KIAA1191: variants seen among roughly 807,000 people sequenced by gnomAD.
The protein encoded by KIAA1191 is KIAA1191.
A neutral mutation model predicts 31.1 loss-of-function variants in KIAA1191; 22 were observed. The ratio of observed to expected loss-of-function variants is 0.71; its 90% CI spans 0.51 to 1.01. The LOEUF (loss-of-function observed/expected upper bound fraction) is 1.01. Ranked by LOEUF, KIAA1191 falls within the 50% of genes least tolerant of loss-of-function variation. The probability of loss-of-function intolerance (pLI) is 0.00; values close to 1 mark genes in which losing one functional copy is unlikely to be tolerated. For missense variants in KIAA1191, 319 were observed against 388.0 expected, an observed-to-expected ratio of 0.82 and a Z score of 1.49; for synonymous variants, 130 against 143.9, an observed-to-expected ratio of 0.90 and a Z score of 0.69.
intron 4 of KIAA1191, chr5:176,354,626 C>CT (rs1767339593): frequency 6.6e-6 from 1 of 152,460 alleles, no homozygotes; most frequent in Non-Finnish European, 1.5e-5. Context: ...GCAAAGGCAG[C>CT]TGAGGCTGGA....
intron 1 of KIAA1191, among the ~76,000 whole-genome samples, chr5:176,360,451 C>T (rs911507229): frequency 1.1e-4 from 16 of 151,922 alleles, no homozygotes; most frequent in East Asian, 9.8e-4. Context: ...CCACCGCGCC[C>T]GACCCCAGTT....
At position 176,361,501 on chromosome 5, in the gene KIAA1191, T is replaced by C. The variant is rs971721330; in HGVS notation, c.-168+101A>G. The C allele has an allele frequency of 1.3e-5, 2 of 150,352 alleles. No homozygotes were observed. The highest frequency in any genetic ancestry group is 4.9e-5 in the African/African-American group (2 of 40,602). The allele number at this position is 150,352 out of a possible 1,614,324, so 9.3% of individuals were successfully genotyped here. On this transcript the variant is annotated intron_variant, in intron 1 of 8. Coordinates refer to ENST00000298569, the MANE Select transcript of KIAA1191 (RefSeq NM_020444.5). This position sits in a 1 kb window ranked among gnomAD's most constrained non-coding sequence, Gnocchi z 4.0. ...GTTAAGAGGTGCGGGGAGAGGGGAG[T>C]GGCTTGGAGGGGCCCCGAGATCGGG...
At chr5:176,350,364 G>C (rs1480336760) in intron 6 of KIAA1191, among the ~76,000 whole-genome samples, 3 of 152,272 alleles carry the variant, frequency 2.0e-5, no homozygotes, top group Admixed American at 1.3e-4. Flanking sequence ...CTCCACATTT[G>C]CTTTATGATT....
intron 4 of KIAA1191, among the ~76,000 whole-genome samples, chr5:176,353,918 G>A (rs1435157660): frequency 1.3e-5 from 2 of 152,120 alleles, no homozygotes; most frequent in Non-Finnish European, 1.5e-5. Flanking sequence ...TTTGCTACTT[G>A]TTACATGGAA....
chr5:176,348,007 A>ATGG lies in KIAA1191; in HGVS notation c.620_622dup (p.Thr207dup). On this transcript the variant is annotated inframe_insertion, in exon 8 of 9. Transcript: ENST00000298569. ...GTCCTTATCCCCACTTCCAGAGTCC[A>ATGG]TGGTGCTAGGATTTGGGCCAGGTAA... 6.2e-7 allele frequency: 1 copy of ATGG among 1,614,146 alleles called. No homozygotes were observed. The highest frequency in any genetic ancestry group is 8.5e-7 in the Non-Finnish European group (1 of 1,180,020).
At chr5:176,353,778 G>A (rs193008710) in intron 4 of KIAA1191, among the ~76,000 whole-genome samples, 1 of 152,308 alleles carries the variant, frequency 6.6e-6, no homozygotes, top group East Asian at 1.9e-4. Context: ...CCCTTGCCTT[G>A]TGGAGCCATC....
In KIAA1191 at chr5:176,346,292, C is replaced by T. The variant is rs1276230636; in HGVS notation, c.*1308G>A. The T allele has an allele frequency of 6.6e-6, 1 of 152,156 alleles. No individual in the cohort carries two copies. The highest frequency in any genetic ancestry group is 6.5e-5 in the Admixed American group (1 of 15,268). The allele number at this position is 152,156 out of a possible 1,614,324, so 9.4% of individuals were successfully genotyped here. ...AATAAAAAGGTGGCTTCTGTATTTC[C>T]CTCCCTCAGTAAGGTTATGTGTTGC... On this transcript the variant is annotated 3_prime_UTR_variant, in exon 9 of 9. Transcript: ENST00000298569.
chr5:176,359,461 C>G lies in KIAA1191; in HGVS notation c.28+20G>C, dbSNP rs1767804630. ...TTAATAAGGGCAAAACATGATTTTA[C>G]CAAAAAGAATTAAGTTTACCAGGCA... On this transcript the variant is annotated intron_variant, in intron 3 of 8. Coordinates refer to ENST00000298569, the MANE Select transcript of KIAA1191 (RefSeq NM_020444.5). 1 of 1,612,312 alleles carries G rather than the reference C, an allele frequency of 6.2e-7. No homozygotes were observed. Among genetic ancestry groups the G allele is most frequent in the African/African-American group, 1.3e-5 (1 of 74,860 alleles).
intron 4 of KIAA1191, 121 bp from the exon 5 acceptor site, chr5:176,352,869 T>C (rs560513367): frequency 4.7e-5 from 53 of 1,138,108 alleles, no homozygotes; most frequent in Non-Finnish European, 5.9e-5. Context: ...GAGGAAATCA[T>C]TGAAGGGAGG....
chr5:176,360,411 C>T (rs62402469), intron 1 of KIAA1191, among the ~76,000 whole-genome samples: 23,148 of 151,892 alleles, frequency 0.15, 3,024 homozygotes, highest in African/African-American at 0.36. Flanking sequence ...CCACCTCGGC[C>T]TCCCAAAGTG....
intron 2 of KIAA1191, 37 bp from the exon 3 acceptor site, chr5:176,359,604 C>A: frequency 1.0e-6 from 1 of 956,778 alleles, no homozygotes; most frequent in Non-Finnish European, 1.7e-6. Flanking sequence ...TTATGGTGAG[C>A]AGCACCAATG....
chr5:176,356,089 C>T (rs927923662), intron 3 of KIAA1191: 2 of 264,716 alleles, frequency 7.6e-6, no homozygotes, highest in Non-Finnish European at 1.5e-5. Context: ...CTCAGCCTAG[C>T]GAGTAGTTGG....
At chr5:176,349,575 A>G (rs1301992268) in intron 6 of KIAA1191, among the ~76,000 whole-genome samples, 1 of 152,100 alleles carries the variant, frequency 6.6e-6, no homozygotes, top group Non-Finnish European at 1.5e-5. Flanking sequence ...TGGGAGGCTG[A>G]GTTGGGAGGA....
intron 3 of KIAA1191, among the ~76,000 whole-genome samples, chr5:176,357,754 A>C (rs779104221): frequency 2.0e-5 from 3 of 152,188 alleles, no homozygotes; most frequent in Non-Finnish European, 4.4e-5. Flanking sequence ...AACGGAGCTG[A>C]TGATGTTAAG....
intron 3 of KIAA1191, chr5:176,356,027 G>A (rs1345920403): frequency 8.2e-6 from 3 of 364,028 alleles, no homozygotes; most frequent in Non-Finnish European, 1.5e-5. Flanking sequence ...AGGCTGGAGT[G>A]CAGCGGCACG....
chr5:176,355,917 C>A lies in KIAA1191; in HGVS notation c.29-168G>T. 1 of 675,722 alleles carries A rather than the reference C, an allele frequency of 1.5e-6. No homozygotes were observed. The highest frequency in any genetic ancestry group is 2.6e-5 in the Admixed American group (1 of 39,006). 41.9% of individuals were successfully genotyped at this position (675,722 alleles called of 1,614,324 possible). A position where few individuals can be genotyped will look rare whatever the true frequency, so the allele number is the denominator to read the frequency against. ...CCAGGAAAGGCAGTGGTACCAATCC[C>A]TTCCTCTATGCCTGACACCTTGGGT... On this transcript the variant is annotated intron_variant, in intron 3 of 8. Transcript: ENST00000298569. This position sits in a 1 kb window ranked among gnomAD's most constrained non-coding sequence, Gnocchi z 4.2.
intron 3 of KIAA1191, among the ~76,000 whole-genome samples, chr5:176,359,006 C>T (rs1274734700): frequency 6.7e-6 from 1 of 150,096 alleles, no homozygotes; most frequent in Non-Finnish European, 1.5e-5. Context: ...ATGGTGTGAA[C>T]CCGGGAGGCG....
intron 5 of KIAA1191, among the ~76,000 whole-genome samples, chr5:176,351,139 C>G (rs193108759): frequency 0.013 from 1,910 of 151,406 alleles, 17 homozygotes; most frequent in Non-Finnish European, 0.021. Context: ...TCAGGACATC[C>G]AGACCATCCT....
Position 176,355,464 on chromosome 5 carries a change from G to C in KIAA1191, c.207+107C>G, listed in dbSNP as rs1767426378. On this transcript the variant is annotated intron_variant, in intron 4 of 8. Coordinates refer to ENST00000298569, the MANE Select transcript of KIAA1191 (RefSeq NM_020444.5). This position sits in a 1 kb window ranked among gnomAD's most constrained non-coding sequence, Gnocchi z 4.2. Reference sequence around the variant, plus strand: ...GAGGCACAGAAAACACATACAGGGAGTGGTTGCTGCCCAGTCCCATGGGCA... The same window carrying C: ...GAGGCACAGAAAACACATACAGGGACTGGTTGCTGCCCAGTCCCATGGGCA... 6 of 913,750 alleles carry C rather than the reference G, an allele frequency of 6.6e-6. No homozygotes were observed. The Admixed American group carries it at 1.4e-4, about 21-fold the overall frequency. The allele number at this position is 913,750 out of a possible 1,614,324, so 56.6% of individuals were successfully genotyped here.
Sources: allele counts gnomAD v4.1 joint callset (sites outside exome capture counted in the v4.1 genomes callset), GRCh38; gene constraint gnomAD v4.1.1; non-coding constraint Gnocchi (gnomAD v3.1); transcripts MANE v1.5; gene names NCBI Gene and HGNC (gene_info 2026-07-23, HGNC 2026-07-21).